KDM1A: variants seen among roughly 807,000 people sequenced by gnomAD.
KDM1A encodes the protein lysine demethylase 1A, also known as lysine-specific histone demethylase 1A.
Under a neutral mutation model 109.4 loss-of-function variants are expected in KDM1A, and 49 were observed. That is an observed-to-expected ratio of 0.45 (90% CI 0.36 to 0.57). The LOEUF (loss-of-function observed/expected upper bound fraction) is 0.57, where lower values mean the gene tolerates loss of function less well. Among genes scored for constraint, KDM1A ranks in the 20% least tolerant of loss-of-function variants. The probability of loss-of-function intolerance (pLI) is 0.00; values close to 1 mark genes in which losing one functional copy is unlikely to be tolerated. For synonymous variants in KDM1A, 380 were observed against 415.4 expected (o/e 0.91, Z 1.04); for missense variants, 668 against 1,116.6 (o/e 0.60, Z 5.73).
chr1:23,025,389 G>A (rs148514645), intron 1 of KDM1A, among the ~76,000 whole-genome samples: 4 of 150,524 alleles, frequency 2.7e-5, no homozygotes, highest in African/African-American at 9.8e-5. Context: ...GGAGTGCAAT[G>A]GTGTGATCTT....
intron 9 of KDM1A, among the ~76,000 whole-genome samples, chr1:23,064,930 A>AT (rs750078288): frequency 2.3e-4 from 35 of 152,324 alleles, no homozygotes; most frequent in Non-Finnish European, 3.8e-4. Flanking sequence ...AGTGATGTCC[A>AT]TTTTGTTTGC....
chr1:23,030,890 G>A (rs571872865), intron 2 of KDM1A, among the ~76,000 whole-genome samples: 5 of 152,210 alleles, frequency 3.3e-5, no homozygotes, highest in African/African-American at 9.6e-5. Context: ...GGAAAGTAAA[G>A]GGTGGGAATG....
chr1:23,030,998 A>G (rs932610864), intron 2 of KDM1A, among the ~76,000 whole-genome samples: 13 of 152,318 alleles, frequency 8.5e-5, no homozygotes, highest in South Asian at 8.3e-4. Flanking sequence ...AGACCTCTCA[A>G]TGACAGTTCT....
chr1:23,038,854 G>C (rs777950205), intron 2 of KDM1A, among the ~76,000 whole-genome samples: 4 of 152,078 alleles, frequency 2.6e-5, no homozygotes, highest in African/African-American at 4.8e-5. Flanking sequence ...TATTTTACAT[G>C]ATACTGTAAC....
At chr1:23,072,526 A>T (rs1213985966) in intron 14 of KDM1A, among the ~76,000 whole-genome samples, 1 of 152,222 alleles carries the variant, frequency 6.6e-6, no homozygotes, top group Admixed American at 6.5e-5. Context: ...TAATTTTGGA[A>T]ACTAGCGGGG....
intron 1 of KDM1A, among the ~76,000 whole-genome samples, chr1:23,024,262 G>A (rs1641730595): frequency 1.3e-5 from 2 of 152,102 alleles, no homozygotes; most frequent in South Asian, 4.1e-4. Context: ...AATTAGTTAT[G>A]TGTTTGTTTG....
In KDM1A at chr1:23,066,055, A is replaced by T; in HGVS notation, c.1168-5A>T. 1 of 1,605,614 alleles carries T rather than the reference A, an allele frequency of 6.2e-7. No homozygotes were observed. The highest frequency in any genetic ancestry group is 8.5e-7 in the Non-Finnish European group (1 of 1,173,030). On this transcript the variant is annotated splice_polypyrimidine_tract_variant and splice_region_variant and intron_variant, in intron 9 of 20. Coordinates refer to ENST00000400181, the MANE Select transcript of KDM1A (RefSeq NM_001009999.3). ...TATTTCTCTCTCTGCTGCACTGGTT[A>T]AAAGGACACTGTCAAGGTATTTTTT...
intron 1 of KDM1A, among the ~76,000 whole-genome samples, chr1:23,022,276 C>T (rs1266805668): frequency 6.6e-6 from 1 of 151,736 alleles, no homozygotes; most frequent in African/African-American, 2.4e-5. Context: ...ATTTTACATT[C>T]CCATTAGTAA....
Position 23,059,182 on chromosome 1 carries a change from A to C in KDM1A, c.1167+15A>C. 2 of 1,599,778 alleles carry C rather than the reference A, an allele frequency of 1.3e-6. No individual in the cohort carries two copies. The highest frequency in any genetic ancestry group is 2.2e-5 in the East Asian group (1 of 44,656). On this transcript the variant is annotated intron_variant, in intron 9 of 20. Coordinates refer to ENST00000400181, the MANE Select transcript of KDM1A (RefSeq NM_001009999.3). Reference sequence around the variant, plus strand: ...ACGGACAAGCTGTAAGTCGAGGACAAACAGAACTTTCAACATTTCTTTGGT... The same window carrying C: ...ACGGACAAGCTGTAAGTCGAGGACACACAGAACTTTCAACATTTCTTTGGT...
intron 2 of KDM1A, among the ~76,000 whole-genome samples, chr1:23,039,945 A>G (rs1642258362): frequency 6.6e-6 from 1 of 152,244 alleles, no homozygotes; most frequent in Non-Finnish European, 1.5e-5. Flanking sequence ...ACTGATTATT[A>G]AATAAGAAAC....
intron 1 of KDM1A, among the ~76,000 whole-genome samples, chr1:23,022,327 T>G (rs996866562): frequency 3.9e-4 from 29 of 73,866 alleles, no homozygotes; most frequent in Non-Finnish European, 7.9e-4. Context: ...CTTCTTCGTT[T>G]TTTTTTTTTT....
intron 1 of KDM1A, among the ~76,000 whole-genome samples, chr1:23,024,264 G>A (rs780470550): frequency 6.6e-6 from 1 of 152,138 alleles, no homozygotes; most frequent in Non-Finnish European, 1.5e-5. Context: ...TTAGTTATGT[G>A]TTTGTTTGGG....
At chr1:23,026,733 A>G (rs1194003216) in intron 1 of KDM1A, among the ~76,000 whole-genome samples, 1 of 152,164 alleles carries the variant, frequency 6.6e-6, no homozygotes, top group African/African-American at 2.4e-5. Context: ...TGAGGAGTGA[A>G]TGAATCATTG....
intron 1 of KDM1A, among the ~76,000 whole-genome samples, chr1:23,030,145 T>C (rs1641938744): frequency 6.6e-6 from 1 of 152,228 alleles, no homozygotes; most frequent in Non-Finnish European, 1.5e-5. Context: ...TTTATTCTTT[T>C]GTTGGAAATT....
At position 23,082,377 on chromosome 1, in the gene KDM1A, G is replaced by T; in HGVS notation, c.2445+11G>T. The T allele has an allele frequency of 6.2e-7, 1 of 1,608,092 alleles. No individual in the cohort carries two copies. The highest frequency in any genetic ancestry group is 8.5e-7 in the Non-Finnish European group (1 of 1,176,802). The stretch of plus-strand genomic sequence containing the variant: ...CCAGGTGCCCCACAGGTGAGAAGCT[G>T]GCAAACTATCTGGGCTTATTTGGGA... On this transcript the variant is annotated intron_variant, in intron 20 of 20. Coordinates refer to ENST00000400181, the MANE Select transcript of KDM1A (RefSeq NM_001009999.3).
chr1:23,027,083 A>G (rs1641828259), intron 1 of KDM1A, among the ~76,000 whole-genome samples: 1 of 152,100 alleles, frequency 6.6e-6, no homozygotes, highest in African/African-American at 2.4e-5. Context: ...AAACTTTATT[A>G]AATGAGGAAA....
chr1:23,080,556 A>G (rs1643589330), intron 18 of KDM1A, among the ~76,000 whole-genome samples: 1 of 152,102 alleles, frequency 6.6e-6, no homozygotes, highest in South Asian at 2.1e-4. Flanking sequence ...GGCCCATGCT[A>G]AGGTTCTTCA....
chr1:23,077,437 AGGT>A, intron 16 of KDM1A, 77 bp downstream of exon 16: 1 of 1,464,890 alleles, frequency 6.8e-7, no homozygotes, highest in Non-Finnish European at 9.2e-7. Context: ...GCGACCTATC[AGGT>A]ACATTTCCTG....
chr1:23,053,575 G>A (rs143398572), intron 4 of KDM1A, among the ~76,000 whole-genome samples, 186 bp from the exon 5 acceptor site: 3 of 152,108 alleles, frequency 2.0e-5, no homozygotes, highest in African/African-American at 7.2e-5. Context: ...TAGTTGAGAT[G>A]GGGTCTCACT....
Sources: gnomAD v4.1 joint callset for allele counts (sites outside exome capture counted in the v4.1 genomes callset) on GRCh38, gnomAD v4.1.1 for gene constraint, MANE v1.5 for transcripts, NCBI Gene and HGNC (gene_info 2026-07-23, HGNC 2026-07-21) for gene names.